Variants in PAPPA observed in about 807,000 individuals in gnomAD.
PAPPA encodes pappalysin 1.
A neutral mutation model predicts 164.0 loss-of-function variants in PAPPA; 60 were observed. That is an observed-to-expected ratio of 0.37 (90% CI 0.30 to 0.45). PAPPA has a LOEUF of 0.45. Among genes scored for constraint, PAPPA ranks in the 20% least tolerant of loss-of-function variants. The pLI is 1.00. For synonymous variants in PAPPA, 875 were observed against 814.1 expected (o/e 1.07, Z -1.27); for missense variants, 1,782 against 2,087.3 (o/e 0.85, Z 2.85).
intron 10 of PAPPA, among the ~76,000 whole-genome samples, chr9:116,314,844 C>T (rs555791009): frequency 3.3e-5 from 5 of 152,340 alleles, no homozygotes; most frequent in Non-Finnish European, 7.3e-5. Flanking sequence ...CAGCCTCCCT[C>T]TTCCATGTAC....
At chr9:116,257,247 G>A (rs1267362072) in intron 7 of PAPPA, among the ~76,000 whole-genome samples, 1 of 151,910 alleles carries the variant, frequency 6.6e-6, no homozygotes, top group Non-Finnish European at 1.5e-5. Context: ...ATTTTTACTA[G>A]ATGTAGTTTT....
intron 5 of PAPPA, among the ~76,000 whole-genome samples, chr9:116,225,356 G>A (rs1260144423): frequency 6.6e-6 from 1 of 152,192 alleles, no homozygotes; most frequent in African/African-American, 2.4e-5. Flanking sequence ...GCTACTCCAA[G>A]AGTAACTCAT....
At chr9:116,339,276 C>T (rs972608068) in intron 13 of PAPPA, among the ~76,000 whole-genome samples, 2 of 152,114 alleles carry the variant, frequency 1.3e-5, no homozygotes, top group South Asian at 2.1e-4. Flanking sequence ...GCTTTGAAAA[C>T]ATCAGGCCCT....
chr9:116,379,266 A>C (rs774182709), intron 20 of PAPPA, among the ~76,000 whole-genome samples: 1 of 152,180 alleles, frequency 6.6e-6, no homozygotes, highest in Non-Finnish European at 1.5e-5. Flanking sequence ...TCTGGAGCTG[A>C]AAATTATGCT....
chr9:116,247,167 T>C (rs984330606), intron 7 of PAPPA, among the ~76,000 whole-genome samples: 3 of 152,198 alleles, frequency 2.0e-5, no homozygotes, highest in African/African-American at 7.2e-5. Flanking sequence ...GCAATTGTTA[T>C]ATGTCCAAAT....
intron 10 of PAPPA, among the ~76,000 whole-genome samples, chr9:116,316,001 C>G (rs1190043042): frequency 6.6e-6 from 1 of 152,154 alleles, no homozygotes; most frequent in Non-Finnish European, 1.5e-5. Flanking sequence ...TTAAGACTCA[C>G]AAAGGTTAGG....
chr9:116,330,973 A>G (rs1845983921), intron 10 of PAPPA, among the ~76,000 whole-genome samples: 2 of 152,078 alleles, frequency 1.3e-5, no homozygotes, highest in Admixed American at 6.5e-5. Flanking sequence ...CCCAAATCAA[A>G]TAACAACTCC....
intron 7 of PAPPA, among the ~76,000 whole-genome samples, chr9:116,254,675 A>G (rs868734652): frequency 4.0e-5 from 6 of 151,360 alleles, no homozygotes; most frequent in East Asian, 2.0e-4. Context: ...CCAGCTACTC[A>G]GGAAGCTGAG....
intron 21 of PAPPA, among the ~76,000 whole-genome samples, chr9:116,385,899 C>A (rs947444219): frequency 6.6e-6 from 1 of 152,202 alleles, no homozygotes; most frequent in Non-Finnish European, 1.5e-5. Context: ...GGGAGCCACA[C>A]AACTATTGCA....
chr9:116,283,984 T>C (rs1342897861), intron 9 of PAPPA, among the ~76,000 whole-genome samples: 1 of 152,248 alleles, frequency 6.6e-6, no homozygotes, highest in Non-Finnish European at 1.5e-5. Context: ...GTAGGAGTGA[T>C]ATTCCTGACT....
chr9:116,282,153 A>G (rs1236898913), intron 9 of PAPPA, among the ~76,000 whole-genome samples: 2 of 152,170 alleles, frequency 1.3e-5, no homozygotes, highest in African/African-American at 4.8e-5. Context: ...TGGCTGCTCA[A>G]TTCCCTGATA....
At chr9:116,241,198 A>C (rs1844731350) in intron 7 of PAPPA, among the ~76,000 whole-genome samples, 2 of 152,226 alleles carry the variant, frequency 1.3e-5, no homozygotes, top group South Asian at 4.1e-4. Context: ...TCACTTGCTC[A>C]GCAAGTATTT....
intron 9 of PAPPA, among the ~76,000 whole-genome samples, chr9:116,275,604 G>C (rs1564207033): frequency 3.3e-5 from 5 of 151,872 alleles, no homozygotes; most frequent in Admixed American, 6.6e-5. Flanking sequence ...TTCTTTCTTT[G>C]TTCTTCTTTT....
At chr9:116,181,778 A>G (rs1843908225) in intron 1 of PAPPA, among the ~76,000 whole-genome samples, 1 of 152,280 alleles carries the variant, frequency 6.6e-6, no homozygotes, top group Non-Finnish European at 1.5e-5. Context: ...AGCACTCCAG[A>G]TGGACAACTA....
chr9:116,313,082 CAAAAAAAAAA>C (rs59596284), intron 10 of PAPPA, among the ~76,000 whole-genome samples: 1 of 68,468 alleles, frequency 1.5e-5, no homozygotes, highest in Non-Finnish European at 2.9e-5. Context: ...GACTCCATCT[CAAAAAAAAAA>C]AAAAAAAAAG....
chr9:116,235,471 T>C lies in PAPPA; in HGVS notation c.2566T>C (p.Tyr856His). The change falls in exon 7 of 22, where the codon TAC becomes CAC. Residue 856 changes from tyrosine (Y) to histidine (H), a missense_variant. Physicochemically the swap from Tyr to His is moderately conservative, Grantham distance 83 (BLOSUM62 2). Around this residue, in one of 2 missense-constraint regions of PAPPA, gnomAD observed 1,324 missense variants for 1,656.9 expected, o/e 0.80. Transcript: ENST00000328252. ...CGAGGAGGTGTATGGCATCCAAATCTACACGCTGGATGAGCACCTGGAGAT... is the reference window on the plus strand; with the variant it reads ...CGAGGAGGTGTATGGCATCCAAATCCACACGCTGGATGAGCACCTGGAGAT... ...VGEEVYGIQI[Y>H]TLDEHLEIDA... 1 of 1,613,464 alleles carries C rather than the reference T, an allele frequency of 6.2e-7. No individual in the cohort carries two copies. Among genetic ancestry groups the C allele is most frequent in the East Asian group, 2.2e-5 (1 of 44,826 alleles).
chr9:116,278,607 G>A (rs1270591677), intron 9 of PAPPA, among the ~76,000 whole-genome samples: 4 of 151,544 alleles, frequency 2.6e-5, no homozygotes, highest in Non-Finnish European at 5.9e-5. Context: ...ATTTTAGGCT[G>A]TATTTTCATT....
At chr9:116,358,365 G>C (rs988302118) in intron 17 of PAPPA, among the ~76,000 whole-genome samples, 4 of 152,174 alleles carry the variant, frequency 2.6e-5, no homozygotes, top group African/African-American at 9.7e-5. Flanking sequence ...GCATTGACTG[G>C]GAACAGAGAC....
At position 116,334,935 on chromosome 9, in the gene PAPPA, C is replaced by T; in HGVS notation, c.3472C>T (p.His1158Tyr). 6.2e-7 allele frequency: 1 copy of T among 1,613,902 alleles called. No homozygotes were observed. The change falls in exon 13 of 22, where the codon CAC (histidine) becomes TAC (tyrosine). Residue 1158 changes from histidine (H) to tyrosine (Y), a missense_variant. His to Tyr is a moderately conservative substitution (Grantham distance 83, BLOSUM62 2). Coordinates refer to ENST00000328252, the MANE Select transcript of PAPPA (RefSeq NM_002581.5). ...CCATGACCTCAGCCAGCCCTTCTAC[C>T]ACAGCCAGGCGGTACGTGTGAGCTT... ...VVHDLSQPFY[H>Y]SQAVRVSFSS... is the part of the protein sequence containing the mutation.
Sources: gnomAD v4.1 joint callset for allele counts (sites outside exome capture counted in the v4.1 genomes callset) on GRCh38, gnomAD v4.1.1 for gene constraint, gnomAD v4.1.1 regional missense constraint, MANE v1.5 for transcripts, NCBI Gene and HGNC (gene_info 2026-07-23, HGNC 2026-07-21) for gene names.